GAS2: variants seen among roughly 807,000 people sequenced by gnomAD.
GAS2 encodes the protein growth arrest specific 2.
In GAS2, 20 loss-of-function variants were observed where a neutral mutation model predicts 37.5. That is an observed-to-expected ratio of 0.53 (90% CI 0.37 to 0.77). The LOEUF is 0.77. Ranked by LOEUF, GAS2 falls within the 30% of genes least tolerant of loss-of-function variation. The pLI, the probability that GAS2 is intolerant of heterozygous loss-of-function variation, is 0.00. For missense variants in GAS2, 336 were observed against 373.4 expected, an observed-to-expected ratio of 0.90 and a Z score of 0.82; for synonymous variants, 144 against 132.2, an observed-to-expected ratio of 1.09 and a Z score of -0.61.
At chr11:22,781,295 C>G (rs1590123683) in intron 7 of GAS2, among the ~76,000 whole-genome samples, 1 of 152,150 alleles carries the variant, frequency 6.6e-6, no homozygotes, top group Non-Finnish European at 1.5e-5. Flanking sequence ...CTAGAAGGCC[C>G]TTCAGAACTA....
chr11:22,776,618 T>A (rs1327646518), intron 7 of GAS2, among the ~76,000 whole-genome samples: 1 of 152,164 alleles, frequency 6.6e-6, no homozygotes, highest in African/African-American at 2.4e-5. Flanking sequence ...AAATTTTATA[T>A]AAAGCTAAGA....
intron 1 of GAS2, among the ~76,000 whole-genome samples, chr11:22,651,967 T>C (rs1848782112): frequency 6.6e-6 from 1 of 152,228 alleles, no homozygotes; most frequent in Admixed American, 6.5e-5. Flanking sequence ...GGTGAGGAAC[T>C]GTGTTCCTTT....
At chr11:22,719,617 C>A (rs928447165) in intron 3 of GAS2, among the ~76,000 whole-genome samples, 1 of 152,102 alleles carries the variant, frequency 6.6e-6, no homozygotes, top group Non-Finnish European at 1.5e-5. Flanking sequence ...TCTGTGTGCT[C>A]TACCTTTTCA....
intron 3 of GAS2, among the ~76,000 whole-genome samples, chr11:22,708,587 A>G (rs1851242995): frequency 6.6e-6 from 1 of 152,174 alleles, no homozygotes; most frequent in Non-Finnish European, 1.5e-5. Flanking sequence ...AAATGTACTT[A>G]TGACCACTCC....
At chr11:22,756,305 GAAA>G (rs1015587564) in intron 7 of GAS2, among the ~76,000 whole-genome samples, 1 of 151,692 alleles carries the variant, frequency 6.6e-6, no homozygotes, top group African/African-American at 2.4e-5. Context: ...TTAAAAAAAA[GAAA>G]AGAAAAGAAA....
chr11:22,645,476 C>T (rs1022776761), intron 1 of GAS2, among the ~76,000 whole-genome samples: 1 of 152,002 alleles, frequency 6.6e-6, no homozygotes, highest in Admixed American at 6.6e-5. Context: ...CACTGCACTC[C>T]AGCCCGGGTG....
At chr11:22,784,169 G>A (rs1564887239) in intron 7 of GAS2, among the ~76,000 whole-genome samples, 2 of 152,270 alleles carry the variant, frequency 1.3e-5, no homozygotes, top group East Asian at 3.9e-4. Context: ...TTCTATGTGT[G>A]TGAAAAATGA....
rs186412437 is a variant in GAS2 at position 22,678,566 on chromosome 11, A to G, written c.145+3552A>G. ...TGAGGTAGAAATTACATATTAAATT[A>G]AAGCTTTTAATTAGGATTTGCTGTT... On this transcript the variant is annotated intron_variant, in intron 2 of 7. Coordinates refer to ENST00000454584, the MANE Select transcript of GAS2 (RefSeq NM_001143830.3). Among the ~76,000 whole-genome samples, 19 of 140,008 alleles carry G rather than the reference A, an allele frequency of 1.4e-4. No homozygotes were observed. The East Asian group carries it at 3.5e-3, about 26-fold the overall frequency. 91.9% of individuals were successfully genotyped at this position (140,008 alleles called of 152,430 possible).
At chr11:22,659,629 G>C (rs1320298343) in intron 1 of GAS2, among the ~76,000 whole-genome samples, 1 of 151,978 alleles carries the variant, frequency 6.6e-6, no homozygotes, top group African/African-American at 2.4e-5. Flanking sequence ...TCACCACATG[G>C]GGCAGCTCAT....
chr11:22,647,058 G>T (rs1278041575), intron 1 of GAS2, among the ~76,000 whole-genome samples: 4 of 150,444 alleles, frequency 2.7e-5, no homozygotes, highest in Admixed American at 1.3e-4. Flanking sequence ...ATCTCCCAAT[G>T]CTATCCTTCC....
At chr11:22,804,014 C>A (rs1333523908) in intron 7 of GAS2, among the ~76,000 whole-genome samples, 2 of 151,794 alleles carry the variant, frequency 1.3e-5, no homozygotes, top group African/African-American at 2.4e-5. Context: ...ACAGTGAAAT[C>A]ACCTGGAAAC....
At chr11:22,653,557 C>T (rs1372535157) in intron 1 of GAS2, among the ~76,000 whole-genome samples, 1 of 152,136 alleles carries the variant, frequency 6.6e-6, no homozygotes, top group Non-Finnish European at 1.5e-5. Flanking sequence ...GAGCAGGATC[C>T]ATTTGGGAAA....
chr11:22,700,473 T>C (rs78905488), intron 3 of GAS2, among the ~76,000 whole-genome samples: 1,834 of 152,244 alleles, frequency 0.012, 28 homozygotes, highest in African/African-American at 0.038. Flanking sequence ...AATTTTAGAA[T>C]GGTCTAGGGA....
intron 7 of GAS2, among the ~76,000 whole-genome samples, chr11:22,758,547 A>C (rs11026771): frequency 0.15 from 22,874 of 152,134 alleles, 1,803 homozygotes; most frequent in East Asian, 0.2. Context: ...CTTAAGGCTA[A>C]TGAGACTGTT....
intron 1 of GAS2, among the ~76,000 whole-genome samples, chr11:22,645,725 A>G (rs1429816059): frequency 6.6e-6 from 1 of 152,048 alleles, no homozygotes. Flanking sequence ...TTTGTTAGTC[A>G]AAATTGTAAA....
chr11:22,685,158 C>G (rs1374798303), intron 2 of GAS2, among the ~76,000 whole-genome samples: 1 of 151,818 alleles, frequency 6.6e-6, no homozygotes, highest in Non-Finnish European at 1.5e-5. Flanking sequence ...AGAGTACAAT[C>G]CTGTAGAGAG....
intron 7 of GAS2, among the ~76,000 whole-genome samples, chr11:22,770,630 G>A (rs536726334): frequency 6.6e-6 from 1 of 152,236 alleles, no homozygotes; most frequent in African/African-American, 2.4e-5. Context: ...TCTGGAACAG[G>A]AGACTAAAAC....
At chr11:22,809,655 T>A (rs916734584) in intron 7 of GAS2, among the ~76,000 whole-genome samples, 9 of 95,226 alleles carry the variant, frequency 9.5e-5, no homozygotes, top group African/African-American at 3.4e-4. Flanking sequence ...GCCCAGCTAA[T>A]TTTTTTTTTT....
chr11:22,749,225 T>A lies in GAS2; in HGVS notation c.579T>A (p.Ser193=). 6.2e-7 allele frequency: 1 copy of A among 1,612,150 alleles called. No homozygotes were observed. Among genetic ancestry groups the A allele is most frequent in the South Asian group, 1.1e-5 (1 of 90,974 alleles). ...CACCTTCTCCTTCATCAAAGTCTTCTGGAAAAAAGAGTACAGGAAACTTAC... is the reference window on the plus strand; with the variant it reads ...CACCTTCTCCTTCATCAAAGTCTTCAGGAAAAAAGAGTACAGGAAACTTAC... ...SPSPSPSSKS[S]GKKSTGNLLD... Residue 193 remains serine (S), a synonymous_variant, in exon 6 of 8, where the codon TCT becomes TCA. Transcript: ENST00000454584.
Sources: allele counts gnomAD v4.1 joint callset (sites outside exome capture counted in the v4.1 genomes callset), GRCh38; gene constraint gnomAD v4.1.1; transcripts MANE v1.5; gene names NCBI Gene and HGNC (gene_info 2026-07-23, HGNC 2026-07-21).